Variants in NUBPL observed in about 807,000 individuals in gnomAD.
NUBPL encodes iron-sulfur cluster transfer protein NUBPL.
NUBPL carries 31 observed loss-of-function variants against 45.7 expected under a neutral mutation model. That is an observed-to-expected ratio of 0.68 (90% CI 0.51 to 0.92). The LOEUF (loss-of-function observed/expected upper bound fraction) is 0.92. Ranked by LOEUF, NUBPL falls within the 40% of genes least tolerant of loss-of-function variation. NUBPL has a pLI of 0.00. For missense variants in NUBPL, 401 were observed against 398.7 expected, an observed-to-expected ratio of 1.01 and a Z score of -0.05; for synonymous variants, 144 against 140.9, an observed-to-expected ratio of 1.02 and a Z score of -0.15.
At chr14:31,640,651 A>G (rs545336296) in intron 4 of NUBPL, among the ~76,000 whole-genome samples, 22 of 151,618 alleles carry the variant, frequency 1.5e-4, no homozygotes, top group African/African-American at 5.3e-4. Flanking sequence ...AATTAGATTA[A>G]TCATCAAATT....
chr14:31,745,044 T>TTTTTTATTTTTA (rs71430987), intron 6 of NUBPL, among the ~76,000 whole-genome samples: 6 of 150,452 alleles, frequency 4.0e-5, no homozygotes, highest in African/African-American at 9.7e-5. Context: ...TTATTTCTTT[T>TTTTTTATTTTTA]TTTTTATTTT....
Position 31,673,564 on chromosome 14 carries a change from T to G in NUBPL, c.503T>G (p.Leu168Trp). ...ATGGTAATGTCGGCCATTGAGAAAT[T>G]GTTGAGGCAGGTAAGAATATTGCTT... ...GLMVMSAIEK[L>W]LRQVDWGQLD... The change falls in exon 6 of 11, where the codon TTG becomes TGG. Residue 168 changes from leucine to tryptophan, a missense_variant. Physicochemically the swap from Leu to Trp is moderately conservative, Grantham distance 61. Transcript: ENST00000281081. 1.2e-6 allele frequency: 2 copies of G among 1,613,410 alleles called. No individual in the cohort carries two copies. Among genetic ancestry groups the G allele is most frequent in the Non-Finnish European group, 1.7e-6 (2 of 1,179,442 alleles).
chr14:31,658,014 A>G (rs893048237), intron 4 of NUBPL, among the ~76,000 whole-genome samples: 4 of 152,242 alleles, frequency 2.6e-5, no homozygotes, highest in African/African-American at 9.6e-5. Context: ...CCTAAAAGAT[A>G]TGTCAGAACA....
At chr14:31,771,970 C>A in intron 6 of NUBPL, 1 of 715,334 alleles carries the variant, frequency 1.4e-6, no homozygotes, top group Non-Finnish European at 1.7e-6. Flanking sequence ...CCTTCAAGTG[C>A]TCTAATACCT....
At chr14:31,749,170 G>T (rs1004288610) in intron 6 of NUBPL, among the ~76,000 whole-genome samples, 1 of 152,062 alleles carries the variant, frequency 6.6e-6, no homozygotes, top group Non-Finnish European at 1.5e-5. Flanking sequence ...ATTATTGATT[G>T]TTTTTTGATT....
chr14:31,587,630 T>A (rs1463558041), intron 3 of NUBPL, among the ~76,000 whole-genome samples: 1 of 152,176 alleles, frequency 6.6e-6, no homozygotes, highest in Admixed American at 6.5e-5. Context: ...AACATATGAG[T>A]CTTAATTTTC....
At chr14:31,790,010 GCTT>G (rs1566562921) in intron 7 of NUBPL, among the ~76,000 whole-genome samples, 2 of 150,076 alleles carry the variant, frequency 1.3e-5, no homozygotes, top group Non-Finnish European at 3.0e-5. Context: ...AAAAAAATGT[GCTT>G]CTGATACCTT....
At chr14:31,674,932 C>G (rs1225143707) in intron 6 of NUBPL, among the ~76,000 whole-genome samples, 1 of 151,982 alleles carries the variant, frequency 6.6e-6, no homozygotes, top group East Asian at 1.9e-4. Context: ...GTCAGGAGAT[C>G]GAGACCATCC....
At chr14:31,642,200 T>G (rs1390325061) in intron 4 of NUBPL, among the ~76,000 whole-genome samples, 1 of 152,178 alleles carries the variant, frequency 6.6e-6, no homozygotes, top group African/African-American at 2.4e-5. Context: ...ATCCCATTCA[T>G]TTGTTTTTGC....
intron 6 of NUBPL, among the ~76,000 whole-genome samples, chr14:31,684,621 T>C (rs1168977290): frequency 6.6e-6 from 1 of 152,184 alleles, no homozygotes; most frequent in Non-Finnish European, 1.5e-5. Flanking sequence ...TCTTTCTAAA[T>C]TGTGGATTTA....
intron 4 of NUBPL, among the ~76,000 whole-genome samples, chr14:31,633,513 C>T (rs148462725): frequency 3.9e-5 from 6 of 152,156 alleles, no homozygotes; most frequent in East Asian, 3.9e-4. Context: ...TTCAGTCACG[C>T]GCATTATTAG....
At chr14:31,783,872 G>A (rs1279652059) in intron 6 of NUBPL, among the ~76,000 whole-genome samples, 2 of 152,130 alleles carry the variant, frequency 1.3e-5, no homozygotes, top group African/African-American at 4.8e-5. Flanking sequence ...ATAAATATGA[G>A]TAAGTGCCAG....
At chr14:31,748,731 G>C (rs562190955) in intron 6 of NUBPL, among the ~76,000 whole-genome samples, 18 of 152,148 alleles carry the variant, frequency 1.2e-4, no homozygotes, top group African/African-American at 4.3e-4. Flanking sequence ...TCCTGTCTCA[G>C]CCTCCTGAGT....
chr14:31,828,769 G>A (rs555020856), intron 8 of NUBPL, among the ~76,000 whole-genome samples: 99 of 152,266 alleles, frequency 6.5e-4, no homozygotes, highest in Non-Finnish European at 1.1e-3. Context: ...ATGTAAACCT[G>A]TATACCTGTG....
intron 6 of NUBPL, among the ~76,000 whole-genome samples, chr14:31,707,653 G>A (rs2037484921): frequency 1.3e-5 from 2 of 152,236 alleles, no homozygotes; most frequent in South Asian, 2.1e-4. Context: ...GGCTGTATAT[G>A]TTCCTTGCTG....
At chr14:31,577,210 G>A (rs961144220) in intron 3 of NUBPL, among the ~76,000 whole-genome samples, 2 of 152,062 alleles carry the variant, frequency 1.3e-5, no homozygotes, top group African/African-American at 4.8e-5. Context: ...TCACTAAGTG[G>A]GTTTTTATTT....
At chr14:31,592,641 C>T (rs1376414933) in intron 3 of NUBPL, among the ~76,000 whole-genome samples, 2 of 152,058 alleles carry the variant, frequency 1.3e-5, no homozygotes, top group Non-Finnish European at 2.9e-5. Flanking sequence ...AAAAGGACCT[C>T]TTTAATGTTA....
chr14:31,762,671 A>G (rs2038837360), intron 6 of NUBPL, among the ~76,000 whole-genome samples: 1 of 152,198 alleles, frequency 6.6e-6, no homozygotes, highest in Admixed American at 6.5e-5. Flanking sequence ...ATTTAAATGC[A>G]TCCAGATCCA....
At chr14:31,665,097 A>G (rs997881032) in intron 4 of NUBPL, among the ~76,000 whole-genome samples, 54 of 151,852 alleles carry the variant, frequency 3.6e-4, no homozygotes, top group African/African-American at 1.3e-3. Context: ...CATTGTGTCT[A>G]TTTGATTCCT....
Sources: allele counts gnomAD v4.1 joint callset (sites outside exome capture counted in the v4.1 genomes callset), GRCh38; gene constraint gnomAD v4.1.1; transcripts MANE v1.5; gene names NCBI Gene and HGNC (gene_info 2026-07-23, HGNC 2026-07-21).